DCPS: variants seen among roughly 807,000 people sequenced by gnomAD.
DCPS encodes the protein m7GpppX diphosphatase.
DCPS carries 27 observed loss-of-function variants against 34.7 expected under a neutral mutation model. The observed-to-expected ratio is 0.78, with a 90% CI of 0.57 to 1.07. The LOEUF is 1.07. Ranked by LOEUF, DCPS falls within the 50% of genes least tolerant of loss-of-function variation. The pLI is 0.00. For synonymous variants in DCPS, 185 were observed against 185.7 expected, an observed-to-expected ratio of 1.00 and a Z score of 0.03; for missense variants, 464 against 436.9, an observed-to-expected ratio of 1.06 and a Z score of -0.55.
chr11:126,330,011 T>A (rs1023353504), intron 2 of DCPS, among the ~76,000 whole-genome samples: 1 of 152,126 alleles, frequency 6.6e-6, no homozygotes, highest in Non-Finnish European at 1.5e-5. Context: ...TAAAACACAA[T>A]GTATACATGT....
At chr11:126,341,330 C>T (rs934114128) in intron 4 of DCPS, 6 of 152,276 alleles carry the variant, frequency 3.9e-5, no homozygotes, top group African/African-American at 9.6e-5. Context: ...CCTTCTGGGG[C>T]GCCAGCCTGA....
Position 126,325,091 on chromosome 11 carries a change from G to A in DCPS, c.377-6314G>A, listed in dbSNP as rs1266908103. 6.6e-6 allele frequency among the ~76,000 whole-genome samples: 1 copy of A among 152,150 alleles called. No individual in the cohort carries two copies. The highest frequency in any genetic ancestry group is 2.4e-5 in the African/African-American group (1 of 41,432). On this transcript the variant is annotated intron_variant, in intron 2 of 5. Transcript: ENST00000263579. This position sits in a 1 kb window ranked among gnomAD's most constrained non-coding sequence, Gnocchi z 4.3. ...CCAGCTACTCACTCGGGTTGCTGAG[G>A]CACGAGAATCGCTTGAACCCAGGAG...
chr11:126,316,166 A>G (rs1042269881), intron 2 of DCPS, among the ~76,000 whole-genome samples: 5 of 151,600 alleles, frequency 3.3e-5, no homozygotes, highest in Non-Finnish European at 5.9e-5. Context: ...CTCTTTTTTC[A>G]TTGTGGTTAA....
intron 2 of DCPS, 25 bp downstream of exon 2, chr11:126,306,769 C>T (rs1213342574): frequency 6.3e-7 from 1 of 1,579,814 alleles, no homozygotes; most frequent in African/African-American, 1.3e-5. Context: ...GCCAGGGTGG[C>T]TGTATGGAGG....
At position 126,345,108 on chromosome 11, in the gene DCPS, G is replaced by A. The variant is rs1467866376; in HGVS notation, c.748-239G>A. 3.3e-5 allele frequency among the ~76,000 whole-genome samples: 5 copies of A among 152,218 alleles called. No individual in the cohort carries two copies. The highest frequency in any genetic ancestry group is 2.1e-4 in the South Asian group (1 of 4,832). On this transcript the variant is annotated intron_variant, in intron 5 of 5. Coordinates refer to ENST00000263579, the MANE Select transcript of DCPS (RefSeq NM_014026.6). This position sits in a 1 kb window ranked among gnomAD's most constrained non-coding sequence, Gnocchi z 7.4. The stretch of plus-strand genomic sequence containing the variant: ...GGGGTGGGGAATGCTGATTGAGGCC[G>A]CTCCCCACTTCTTTTGGGAGAGTCT...
At position 126,334,918 on chromosome 11, in the gene DCPS, A is replaced by G. The variant is rs1166372869; in HGVS notation, c.522+3368A>G. 6.6e-6 allele frequency among the ~76,000 whole-genome samples: 1 copy of G among 152,196 alleles called. No individual in the cohort carries two copies. The highest frequency in any genetic ancestry group is 2.4e-5 in the African/African-American group (1 of 41,446). ...GTCTGTCATCTAAGAGCAGCGTGAC[A>G]TTGTCCTTAATTTCGGAGCCCTGGT... On this transcript the variant is annotated intron_variant, in intron 3 of 5. Transcript: ENST00000263579. This position sits in a 1 kb window ranked among gnomAD's most constrained non-coding sequence, Gnocchi z 5.5.
At chr11:126,316,663 T>G (rs1951661189) in intron 2 of DCPS, among the ~76,000 whole-genome samples, 2 of 151,152 alleles carry the variant, frequency 1.3e-5, no homozygotes, top group Non-Finnish European at 2.9e-5. Context: ...TTTTTTCATG[T>G]TTTTCTTGAG....
chr11:126,306,889 C>T (rs556033158), intron 2 of DCPS, 145 bp downstream of exon 2: 23 of 998,838 alleles, frequency 2.3e-5, no homozygotes, highest in African/African-American at 1.3e-4. Flanking sequence ...ATTTGGCCAT[C>T]GGTGAAGACA....
At chr11:126,339,063 T>C (rs1288429193) in intron 4 of DCPS, among the ~76,000 whole-genome samples, 1 of 152,242 alleles carries the variant, frequency 6.6e-6, no homozygotes, top group Non-Finnish European at 1.5e-5. Context: ...ACCTCTTTTA[T>C]ACCTGAGAGT....
Position 126,320,507 on chromosome 11 carries a change from A to G in DCPS, c.377-10898A>G, listed in dbSNP as rs1386676842. On this transcript the variant is annotated intron_variant, in intron 2 of 5. Transcript: ENST00000263579. The surrounding 1 kb of genome is among the most constrained non-coding windows in gnomAD (Gnocchi z 4.7). ...AATATTCTTAAAAAAAAATTAACCC[A>G]TCAAGACTACAAGGGCGGGGTGCAG... Among the ~76,000 whole-genome samples, 5 of 152,112 alleles carry G rather than the reference A, an allele frequency of 3.3e-5. No individual in the cohort carries two copies. The highest frequency in any genetic ancestry group is 3.3e-4 in the Admixed American group (5 of 15,272).
Position 126,331,268 on chromosome 11 carries a change from T to C in DCPS, c.377-137T>C. 7.7e-7 allele frequency: 1 copy of C among 1,297,164 alleles called. No individual in the cohort carries two copies. Among genetic ancestry groups the C allele is most frequent in the Non-Finnish European group, 1.1e-6 (1 of 938,380 alleles). The allele number at this position is 1,297,164 out of a possible 1,614,324, so 80.4% of individuals were successfully genotyped here. A position where few individuals can be genotyped will look rare whatever the true frequency, so the allele number is the denominator to read the frequency against. On this transcript the variant is annotated intron_variant, in intron 2 of 5. Coordinates refer to ENST00000263579, the MANE Select transcript of DCPS (RefSeq NM_014026.6). The surrounding 1 kb of genome is among the most constrained non-coding windows in gnomAD (Gnocchi z 7.2). ...CAAGGCACTCTGTGGGAGTGGATCTTGGGTGCATGATCCTCTTGGATTTTG... is the reference window on the plus strand; with the variant it reads ...CAAGGCACTCTGTGGGAGTGGATCTCGGGTGCATGATCCTCTTGGATTTTG...
Position 126,336,074 on chromosome 11 carries a change from C to T in DCPS, c.523-2212C>T, listed in dbSNP as rs1237746526. 6.6e-6 allele frequency among the ~76,000 whole-genome samples: 1 copy of T among 150,554 alleles called. No individual in the cohort carries two copies. Among genetic ancestry groups the T allele is most frequent in the Non-Finnish European group, 1.5e-5 (1 of 67,852 alleles). ...GAGGTTGCAGTGAGCCGAAATCACG[C>T]CACTGCACTCTAGTCTGGGCGAAAG... On this transcript the variant is annotated intron_variant, in intron 3 of 5. Transcript: ENST00000263579. The surrounding 1 kb of genome is among the most constrained non-coding windows in gnomAD (Gnocchi z 6.3).
chr11:126,311,189 G>C (rs780425014), intron 2 of DCPS, among the ~76,000 whole-genome samples: 8 of 152,166 alleles, frequency 5.3e-5, no homozygotes, highest in Non-Finnish European at 1.0e-4. Context: ...AGTCATGCTG[G>C]GGCACTCATG....
chr11:126,305,880 T>C (rs1951560799), intron 1 of DCPS, among the ~76,000 whole-genome samples: 1 of 152,194 alleles, frequency 6.6e-6, no homozygotes, highest in African/African-American at 2.4e-5. Context: ...TAGGAGTCAC[T>C]TGGGAGACCT....
Position 126,333,813 on chromosome 11 carries a change from A to G in DCPS, c.522+2263A>G, listed in dbSNP as rs1055449009. Among the ~76,000 whole-genome samples, 1 of 152,134 alleles carries G rather than the reference A, an allele frequency of 6.6e-6. No homozygotes were observed. Among genetic ancestry groups the G allele is most frequent in the Non-Finnish European group, 1.5e-5 (1 of 68,034 alleles). ...GGGTTTTCATAAATACCGAGCACAG[A>G]GCACTATTCCATATCTGCTGAATCT... On this transcript the variant is annotated intron_variant, in intron 3 of 5. Coordinates refer to ENST00000263579, the MANE Select transcript of DCPS (RefSeq NM_014026.6). The surrounding 1 kb of genome is among the most constrained non-coding windows in gnomAD (Gnocchi z 5.7).
At chr11:126,341,219 C>T (rs1446486648) in intron 4 of DCPS, 1 of 152,264 alleles carries the variant, frequency 6.6e-6, no homozygotes, top group Non-Finnish European at 1.5e-5. Context: ...CAGCAATTCT[C>T]TTTCTTCCTG....
At chr11:126,308,308 T>C (rs1053479492) in intron 2 of DCPS, among the ~76,000 whole-genome samples, 5 of 152,212 alleles carry the variant, frequency 3.3e-5, no homozygotes, top group African/African-American at 1.2e-4. Flanking sequence ...TATCCTTCTG[T>C]CTTCTTGTTT....
rs777063874 is a variant in DCPS, at chr11:126,342,765, G to T, written c.637-542G>T. Among the ~76,000 whole-genome samples, 18 of 152,036 alleles carry T rather than the reference G, an allele frequency of 1.2e-4. No homozygotes were observed. Among genetic ancestry groups the T allele is most frequent in the Non-Finnish European group, 2.4e-4 (16 of 68,004 alleles). Reference sequence around the variant, plus strand: ...CTTGAACCTCCTGGCTCCCTGCCCCGACAGCTCTGGGGAGTGAGCATATAG... The same window carrying T: ...CTTGAACCTCCTGGCTCCCTGCCCCTACAGCTCTGGGGAGTGAGCATATAG... On this transcript the variant is annotated intron_variant, in intron 4 of 5. Coordinates refer to ENST00000263579, the MANE Select transcript of DCPS (RefSeq NM_014026.6). The surrounding 1 kb of genome is among the most constrained non-coding windows in gnomAD (Gnocchi z 4.4).
rs1002975337 is a variant in DCPS at position 126,345,846 on chromosome 11, C to G, written c.*233C>G. 1 of 629,856 alleles carries G rather than the reference C, an allele frequency of 1.6e-6. No individual in the cohort carries two copies. The allele number at this position is 629,856 out of a possible 1,614,324, so 39.0% of individuals were successfully genotyped here. A position where few individuals can be genotyped will look rare whatever the true frequency, so the allele number is the denominator to read the frequency against. On this transcript the variant is annotated 3_prime_UTR_variant, in exon 6 of 6. Transcript: ENST00000263579. The surrounding 1 kb of genome is among the most constrained non-coding windows in gnomAD (Gnocchi z 7.4). ...AGGCCTTGAGAATGGTGGAAAGTCT[C>G]CAGGTGGTGGTTTCAACTGACAGGT...
Sources: allele counts gnomAD v4.1 joint callset (sites outside exome capture counted in the v4.1 genomes callset), GRCh38; gene constraint gnomAD v4.1.1; non-coding constraint Gnocchi (gnomAD v3.1); transcripts MANE v1.5; gene names NCBI Gene and HGNC (gene_info 2026-07-23, HGNC 2026-07-21).